Variants in KATNIP observed in about 807,000 individuals in gnomAD.
KATNIP encodes katanin-interacting protein.
A neutral mutation model predicts 174.0 loss-of-function variants in KATNIP; 126 were observed. The ratio of observed to expected loss-of-function variants is 0.72; its 90% CI spans 0.63 to 0.84. The LOEUF (loss-of-function observed/expected upper bound fraction) is 0.84, where lower values mean the gene tolerates loss of function less well. KATNIP is among the 40% of genes least tolerant of loss of function. The pLI is 0.00. For synonymous variants in KATNIP, 810 were observed against 835.7 expected, an observed-to-expected ratio of 0.97 and a Z score of 0.53; for missense variants, 1,958 against 2,109.7, an observed-to-expected ratio of 0.93 and a Z score of 1.41.
intron 6 of KATNIP, among the ~76,000 whole-genome samples, chr16:27,651,548 T>G (rs1473233898): frequency 6.6e-6 from 1 of 152,200 alleles, no homozygotes; most frequent in Admixed American, 6.5e-5. Context: ...TCATCTGACC[T>G]TCACTGTTGA....
chr16:27,642,283 G>A (rs1221980130), intron 5 of KATNIP, among the ~76,000 whole-genome samples: 1 of 152,086 alleles, frequency 6.6e-6, no homozygotes, highest in Non-Finnish European at 1.5e-5. Flanking sequence ...GATGAATGCT[G>A]GAATCATTCT....
intron 13 of KATNIP, among the ~76,000 whole-genome samples, chr16:27,715,665 A>G (rs539870378): frequency 6.6e-6 from 1 of 152,366 alleles, no homozygotes; most frequent in South Asian, 2.1e-4. Context: ...AAATGTACAA[A>G]TGGCTAATGA....
chr16:27,576,746 T>C (rs562299164), intron 2 of KATNIP, among the ~76,000 whole-genome samples: 25 of 152,300 alleles, frequency 1.6e-4, no homozygotes, highest in African/African-American at 5.8e-4. Flanking sequence ...CTATGCCCTC[T>C]CTCCTGACTT....
intron 5 of KATNIP, among the ~76,000 whole-genome samples, chr16:27,647,727 A>G (rs1365868640): frequency 6.6e-6 from 1 of 151,914 alleles, no homozygotes; most frequent in Non-Finnish European, 1.5e-5. Context: ...CTGGTCTCGA[A>G]CTCCTGACCT....
intron 20 of KATNIP, among the ~76,000 whole-genome samples, chr16:27,767,195 G>A (rs2082155809): frequency 6.6e-6 from 1 of 152,202 alleles, no homozygotes; most frequent in Admixed American, 6.5e-5. Flanking sequence ...GAGGGCCTGA[G>A]TCTGAGTCTC....
rs934436898 is a variant in KATNIP, at chr16:27,720,131, C to A, written c.1606-1427C>A. Among the ~76,000 whole-genome samples the A allele has an allele frequency of 2.0e-5, 3 of 152,198 alleles. No homozygotes were observed. The South Asian group carries it at 6.2e-4, about 32-fold the overall frequency. ...TTGTTTGTTTGTTTTTTCCTGGAGA[C>A]GGAGTTTGGAGTTCAATGGCACGAT... On this transcript the variant is annotated intron_variant, in intron 13 of 27. Coordinates refer to ENST00000261588, the MANE Select transcript of KATNIP (RefSeq NM_015202.5).
intron 8 of KATNIP, among the ~76,000 whole-genome samples, chr16:27,696,730 T>C (rs2078925278): frequency 6.6e-6 from 1 of 151,938 alleles, no homozygotes; most frequent in Non-Finnish European, 1.5e-5. Context: ...ACATTTTTTT[T>C]CTTTTTTTTT....
At chr16:27,630,493 CAG>C (rs1231107238) in intron 4 of KATNIP, among the ~76,000 whole-genome samples, 2 of 152,224 alleles carry the variant, frequency 1.3e-5, no homozygotes, top group East Asian at 3.8e-4. Flanking sequence ...CAGTTGAACT[CAG>C]AGTGTAGCTT....
At chr16:27,725,306 G>C (rs908950378) in intron 14 of KATNIP, among the ~76,000 whole-genome samples, 1 of 152,196 alleles carries the variant, frequency 6.6e-6, no homozygotes, top group Non-Finnish European at 1.5e-5. Flanking sequence ...CCAGAACTTA[G>C]GACAGTGAGA....
chr16:27,711,248 A>G (rs2079561822), intron 13 of KATNIP, among the ~76,000 whole-genome samples: 1 of 152,080 alleles, frequency 6.6e-6, no homozygotes, highest in African/African-American at 2.4e-5. Context: ...AGGATGTGAG[A>G]TTCTTCTGGA....
chr16:27,576,144 T>C (rs2090488324), intron 2 of KATNIP, among the ~76,000 whole-genome samples: 1 of 152,176 alleles, frequency 6.6e-6, no homozygotes, highest in Non-Finnish European at 1.5e-5. Context: ...TGGGAAACCA[T>C]GGAGCGGGGC....
At chr16:27,735,886 G>C (rs1441575466) in intron 14 of KATNIP, among the ~76,000 whole-genome samples, 1 of 152,174 alleles carries the variant, frequency 6.6e-6, no homozygotes, top group African/African-American at 2.4e-5. Flanking sequence ...AAACGATCTG[G>C]AGGTGAAACC....
intron 1 of KATNIP, among the ~76,000 whole-genome samples, chr16:27,566,022 GTT>G (rs200468514): frequency 6.5e-4 from 85 of 131,524 alleles, no homozygotes; most frequent in African/African-American, 1.2e-3. Context: ...ACCAGCAGCT[GTT>G]TTTTTTTTTT....
intron 27 of KATNIP, 22 bp from the exon 28 acceptor site, chr16:27,778,552 C>CT: frequency 6.2e-7 from 1 of 1,612,522 alleles, no homozygotes; most frequent in Non-Finnish European, 8.5e-7. Context: ...AACTCTGGTC[C>CT]CTCTGTTCCC....
intron 6 of KATNIP, among the ~76,000 whole-genome samples, chr16:27,662,087 TACAC>T (rs1164541922): frequency 6.8e-5 from 7 of 103,248 alleles, no homozygotes; most frequent in African/African-American, 1.2e-4. Flanking sequence ...CATATATATA[TACAC>T]ATACATATAT....
intron 6 of KATNIP, among the ~76,000 whole-genome samples, chr16:27,666,665 C>A (rs1395407162): frequency 6.6e-6 from 1 of 152,156 alleles, no homozygotes; most frequent in Non-Finnish European, 1.5e-5. Context: ...TGACTTCGGC[C>A]TGCCAAAGTG....
chr16:27,697,949 T>C (rs1182011247), intron 8 of KATNIP, among the ~76,000 whole-genome samples: 1 of 152,176 alleles, frequency 6.6e-6, no homozygotes, highest in Admixed American at 6.5e-5. Flanking sequence ...AACACTGCTA[T>C]ATATATCTCC....
chr16:27,763,947 G>A (rs1010664045), intron 19 of KATNIP, among the ~76,000 whole-genome samples: 1 of 152,146 alleles, frequency 6.6e-6, no homozygotes, highest in Non-Finnish European at 1.5e-5. Context: ...ATTAGATCTA[G>A]AGGCCTGATC....
intron 8 of KATNIP, among the ~76,000 whole-genome samples, chr16:27,688,693 C>A (rs2142884434): frequency 6.6e-6 from 1 of 152,340 alleles, no homozygotes; most frequent in East Asian, 1.9e-4. Context: ...TAGCAAGTTC[C>A]CAGGCGATCC....
Sources: gnomAD v4.1 joint callset for allele counts (sites outside exome capture counted in the v4.1 genomes callset) on GRCh38, gnomAD v4.1.1 for gene constraint, MANE v1.5 for transcripts, NCBI Gene and HGNC (gene_info 2026-07-23, HGNC 2026-07-21) for gene names.